The following SLC25A10 variants were observed in gnomAD, a reference collection of about 807,000 sequenced individuals.
SLC25A10 encodes the protein mitochondrial dicarboxylate carrier.
SLC25A10 carries 32 observed loss-of-function variants against 40.4 expected under a neutral mutation model. That is an observed-to-expected ratio of 0.79 (90% CI 0.60 to 1.06). SLC25A10 has a LOEUF of 1.06. Among genes scored for constraint, SLC25A10 ranks in the 50% least tolerant of loss-of-function variants. The probability of loss-of-function intolerance (pLI) is 0.00; values close to 1 mark genes in which losing one functional copy is unlikely to be tolerated. For synonymous variants in SLC25A10, 181 were observed against 171.1 expected (o/e 1.06, Z -0.45); for missense variants, 394 against 402.6 (o/e 0.98, Z 0.18).
chr17:81,715,100 C>T, intron 2 of SLC25A10, 28 bp downstream of exon 2: 1 of 1,604,708 alleles, frequency 6.2e-7, no homozygotes, highest in Non-Finnish European at 8.5e-7. Context: ...GCCTTGGGCT[C>T]CCAGACTGGG....
chr17:81,714,221 G>T (rs2037436687), intron 1 of SLC25A10, among the ~76,000 whole-genome samples: 1 of 152,232 alleles, frequency 6.6e-6, no homozygotes, highest in African/African-American at 2.4e-5. Flanking sequence ...GGACCCAGGA[G>T]CTGGGATCCT....
chr17:81,720,439 G>T lies in SLC25A10; in HGVS notation c.*362G>T. On this transcript the variant is annotated 3_prime_UTR_variant, in exon 11 of 11. Transcript: ENST00000350690. Reference sequence around the variant, plus strand: ...CCTCCTGCCCCCGATGCCCAAAGCAGCATCTTCCAGCACTTTCCATCGAGG... The same window carrying T: ...CCTCCTGCCCCCGATGCCCAAAGCATCATCTTCCAGCACTTTCCATCGAGG... The T allele has an allele frequency of 7.3e-7, 1 of 1,364,210 alleles. No individual in the cohort carries two copies. Among genetic ancestry groups the T allele is most frequent in the East Asian group, 2.7e-5 (1 of 36,840 alleles). 84.5% of individuals were successfully genotyped at this position (1,364,210 alleles called of 1,614,324 possible).
intron 1 of SLC25A10, 126 bp from the exon 2 acceptor site, chr17:81,714,827 G>T (rs2037449456): frequency 1.5e-6 from 2 of 1,297,226 alleles, no homozygotes; most frequent in Non-Finnish European, 2.1e-6. Context: ...GCACGGGTGT[G>T]GAGTCCCCGG....
chr17:81,715,840 A>T, intron 4 of SLC25A10, 99 bp downstream of exon 4: 13 of 1,523,874 alleles, frequency 8.5e-6, no homozygotes, highest in Non-Finnish European at 1.2e-5. Flanking sequence ...GTCAGCCTGG[A>T]ATAAGCCACT....
At chr17:81,718,772 C>T (rs2037535431) in intron 9 of SLC25A10, among the ~76,000 whole-genome samples, 1 of 150,570 alleles carries the variant, frequency 6.6e-6, no homozygotes, top group African/African-American at 2.4e-5. Flanking sequence ...CATGGTGAAA[C>T]CCCGTCTCTA....
At position 81,720,313 on chromosome 17, in the gene SLC25A10, G is replaced by A. The variant is rs74006108; in HGVS notation, c.*236G>A. On this transcript the variant is annotated 3_prime_UTR_variant, in exon 11 of 11. Coordinates refer to ENST00000350690, the MANE Select transcript of SLC25A10 (RefSeq NM_012140.5). ...CCAGGCTCTCCCGGCTGGGCACTGCGTGGCCTTGCCCCTCTCCCGCTGGCA... is the reference window on the plus strand; with the variant it reads ...CCAGGCTCTCCCGGCTGGGCACTGCATGGCCTTGCCCCTCTCCCGCTGGCA... 2.8e-3 allele frequency: 3,987 copies of A among 1,433,618 alleles called. 120 individuals are homozygous for A. The African/African-American group carries it at 0.053, about 19-fold the overall frequency. 88.8% of individuals were successfully genotyped at this position (1,433,618 alleles called of 1,614,324 possible). A position where few individuals can be genotyped will look rare whatever the true frequency, so the allele number is the denominator to read the frequency against.
chr17:81,718,956 C>CA (rs2037539133), intron 9 of SLC25A10, among the ~76,000 whole-genome samples: 2 of 149,576 alleles, frequency 1.3e-5, no homozygotes, highest in Non-Finnish European at 3.0e-5. Flanking sequence ...CTTAAAAAAA[C>CA]AAAAAACAAA....
intron 5 of SLC25A10, 120 bp from the exon 6 acceptor site, chr17:81,716,692 C>T (rs1031572910): frequency 1.6e-5 from 15 of 964,122 alleles, no homozygotes; most frequent in Non-Finnish European, 2.2e-5. Context: ...GAGAGATCTT[C>T]AGGCCCATGA....
At chr17:81,717,315 C>A in intron 7 of SLC25A10, 84 bp from the exon 8 acceptor site, 1 of 1,365,646 alleles carries the variant, frequency 7.3e-7, no homozygotes, top group Non-Finnish European at 1.0e-6. Context: ...TTGGCCATTG[C>A]CAGGTGGTGT....
intron 9 of SLC25A10, 57 bp downstream of exon 9, chr17:81,717,918 T>G: frequency 7.3e-7 from 1 of 1,369,332 alleles, no homozygotes; most frequent in Non-Finnish European, 1.0e-6. Flanking sequence ...TCCCCTCACC[T>G]CTCCGGGGGG....
At chr17:81,714,333 G>A (rs1023498783) in intron 1 of SLC25A10, among the ~76,000 whole-genome samples, 1 of 152,210 alleles carries the variant, frequency 6.6e-6, no homozygotes, top group Non-Finnish European at 1.5e-5. Flanking sequence ...GAGTGGTGGA[G>A]GCCAACAGAA....
At chr17:81,717,890 G>A in intron 9 of SLC25A10, 29 bp downstream of exon 9, 1 of 1,552,998 alleles carries the variant, frequency 6.4e-7, no homozygotes, top group Non-Finnish European at 8.8e-7. Context: ...GTGCAGTTGG[G>A]CTGCACAGCC....
At chr17:81,719,915 G>T (rs2037559423) in intron 10 of SLC25A10, 28 bp downstream of exon 10, 1 of 1,613,526 alleles carries the variant, frequency 6.2e-7, no homozygotes. Flanking sequence ...GTGGCGGCTT[G>T]GGCAATGGGG....
In SLC25A10 at chr17:81,712,365, T is replaced by C; in HGVS notation, c.-62T>C. ...GCGGGGCGCGGGGCGCTGCGGCCGGTACACGCCGGGGTAGGGCCGGGGTCG... is the reference window on the plus strand; with the variant it reads ...GCGGGGCGCGGGGCGCTGCGGCCGGCACACGCCGGGGTAGGGCCGGGGTCG... On this transcript the variant is annotated 5_prime_UTR_variant, in exon 1 of 11. Transcript: ENST00000350690. The C allele has an allele frequency of 1.8e-6, 2 of 1,096,026 alleles. No individual in the cohort carries two copies. The highest frequency in any genetic ancestry group is 1.1e-6 in the Non-Finnish European group (1 of 870,140). 67.9% of individuals were successfully genotyped at this position (1,096,026 alleles called of 1,614,324 possible). A position where few individuals can be genotyped will look rare whatever the true frequency, so the allele number is the denominator to read the frequency against.
chr17:81,714,872 C>T (rs2037450590), intron 1 of SLC25A10, 81 bp from the exon 2 acceptor site: 1 of 1,562,432 alleles, frequency 6.4e-7, no homozygotes, highest in Non-Finnish European at 8.6e-7. Flanking sequence ...CTGCCTCCTG[C>T]CTCAGTTTCC....
intron 9 of SLC25A10, 33 bp from the exon 10 acceptor site, chr17:81,719,798 G>A: frequency 6.2e-7 from 1 of 1,611,702 alleles, no homozygotes; most frequent in Non-Finnish European, 8.5e-7. Flanking sequence ...GTGAGAAGCA[G>A]CCTTTTTGAT....
chr17:81,716,977 C>CTGGCCTCACCCT, intron 6 of SLC25A10, 25 bp from the exon 7 acceptor site: 1 of 1,613,144 alleles, frequency 6.2e-7, no homozygotes, highest in South Asian at 1.1e-5. Context: ...TGCCTCACCC[C>CTGGCCTCACCCT]TTGCCTCACC....
rs2072700 is a variant in SLC25A10, at chr17:81,715,528, T to C, written c.264T>C (p.Arg88=). 0.4 allele frequency: 645,380 copies of C among 1,612,284 alleles called. 130,872 individuals carry two copies. The highest frequency in any genetic ancestry group is 0.49 in the African/African-American group (36,651 of 74,920). Residue 88 remains arginine (R), a synonymous_variant, in exon 3 of 11, where the codon CGT becomes CGC. Transcript: ENST00000350690. ...CCATCTACGAGACTGTGCGGGACCG[T>C]GTGGCCAAGGGCAGCCAGGGGCCTC... ...RFAIYETVRD[R]VAKGSQGPLP... is the part of the protein sequence containing the mutation.
rs955735117 is a variant in SLC25A10, at chr17:81,719,866, C to T, written c.741C>T (p.Leu247=). The T allele has an allele frequency of 4.2e-5, 68 of 1,613,594 alleles. No homozygotes were observed. The highest frequency in any genetic ancestry group is 4.5e-5 in the Non-Finnish European group (53 of 1,180,006). ...VFHCAVETAK[L]GPLAFYKGLV... The stretch of plus-strand genomic sequence containing the variant: ...ACTGCGCCGTGGAGACAGCGAAGCT[C>T]GGGCCTCTGGCCTTTTACAAGGTGC... The change falls in exon 10 of 11, where the codon CTC becomes CTT. Residue 247 remains leucine (L), a synonymous_variant. Coordinates refer to ENST00000350690, the MANE Select transcript of SLC25A10 (RefSeq NM_012140.5).
Sources: gnomAD v4.1 joint callset for allele counts (sites outside exome capture counted in the v4.1 genomes callset) on GRCh38, gnomAD v4.1.1 for gene constraint, MANE v1.5 for transcripts, NCBI Gene and HGNC (gene_info 2026-07-23, HGNC 2026-07-21) for gene names.